CCDC93: variants seen among roughly 807,000 people sequenced by gnomAD.
The protein encoded by CCDC93 is CCC complex scaffolding subunit CCDC93.
A neutral mutation model predicts 108.2 loss-of-function variants in CCDC93; 61 were observed. The ratio of observed to expected loss-of-function variants is 0.56; its 90% CI spans 0.46 to 0.70. The LOEUF is 0.70. CCDC93 is among the 30% of genes least tolerant of loss of function. CCDC93 has a pLI of 0.00. For missense variants in CCDC93, 685 were observed against 764.2 expected (o/e 0.90, Z 1.22); for synonymous variants, 276 against 260.4 (o/e 1.06, Z -0.58).
At chr2:117,957,049 C>A (rs995113462) in intron 12 of CCDC93, among the ~76,000 whole-genome samples, 3 of 152,066 alleles carry the variant, frequency 2.0e-5, no homozygotes, top group Admixed American at 2.0e-4. Context: ...CGCCACCATG[C>A]CCAGCTAATT....
chr2:117,930,978 T>C (rs1055825141), intron 23 of CCDC93, 59 bp downstream of exon 23: 14 of 1,154,018 alleles, frequency 1.2e-5, no homozygotes, highest in Non-Finnish European at 1.8e-5. Flanking sequence ...TAGTGGCTAC[T>C]TTTGAGGTGA....
Position 118,003,829 on chromosome 2 carries a change from C to T in CCDC93, c.251+2893G>A, listed in dbSNP as rs572091302. On this transcript the variant is annotated intron_variant, in intron 3 of 23. Coordinates refer to ENST00000376300, the MANE Select transcript of CCDC93 (RefSeq NM_019044.5). ...GGACATGGAGGAAAATGCAGGCAGG[C>T]TGGGGGTAGGGAAAGAAAGTGAGAA... Among the ~76,000 whole-genome samples, 4 of 152,286 alleles carry T rather than the reference C, an allele frequency of 2.6e-5. No individual in the cohort carries two copies. In the South Asian group the frequency reaches 8.3e-4, roughly 32 times the overall value.
chr2:117,942,703 A>T (rs907705674), intron 18 of CCDC93, among the ~76,000 whole-genome samples: 5 of 152,152 alleles, frequency 3.3e-5, no homozygotes, highest in African/African-American at 1.2e-4. Context: ...ACCAGGGTGT[A>T]GTCTCAGGGC....
intron 17 of CCDC93, chr2:117,944,805 A>G (rs1378573912): frequency 1.5e-5 from 7 of 471,028 alleles, no homozygotes; most frequent in Admixed American, 9.4e-5. Flanking sequence ...CTCCTGGGAG[A>G]TTACGAGGGT....
At chr2:118,012,089 G>A (rs1391690280) in intron 1 of CCDC93, among the ~76,000 whole-genome samples, 2 of 152,180 alleles carry the variant, frequency 1.3e-5, no homozygotes, top group Admixed American at 6.5e-5. Context: ...GGCAGGCCAA[G>A]TCTAGCTATC....
chr2:117,938,332 T>G (rs1313724460), intron 20 of CCDC93, among the ~76,000 whole-genome samples: 1 of 152,182 alleles, frequency 6.6e-6, no homozygotes, highest in Non-Finnish European at 1.5e-5. Flanking sequence ...TTAAGACATA[T>G]CTGCATACTG....
intron 8 of CCDC93, 80 bp downstream of exon 8, chr2:117,977,914 G>C: frequency 3.0e-6 from 4 of 1,342,170 alleles, no homozygotes; most frequent in Non-Finnish European, 4.3e-6. Flanking sequence ...CTGCTGCCCG[G>C]CTTGTGAGTG....
chr2:117,986,233 C>T (rs1392752797), intron 6 of CCDC93, among the ~76,000 whole-genome samples, 164 bp from the exon 7 acceptor site: 2 of 145,790 alleles, frequency 1.4e-5, no homozygotes, highest in Non-Finnish European at 3.0e-5. Flanking sequence ...GGCGCGATCT[C>T]GGCTCACTGC....
At chr2:118,004,927 T>C (rs967141712) in intron 3 of CCDC93, among the ~76,000 whole-genome samples, 1 of 152,168 alleles carries the variant, frequency 6.6e-6, no homozygotes, top group African/African-American at 2.4e-5. Context: ...ACATATTATA[T>C]ATTATGTAAG....
chr2:117,940,763 T>C (rs1009095685), intron 19 of CCDC93, among the ~76,000 whole-genome samples: 12 of 152,286 alleles, frequency 7.9e-5, no homozygotes, highest in Non-Finnish European at 4.4e-5. Context: ...GAGGGGGTCA[T>C]GGTCCTGGGT....
At chr2:118,002,247 C>A (rs1333181765) in intron 3 of CCDC93, among the ~76,000 whole-genome samples, 3 of 152,146 alleles carry the variant, frequency 2.0e-5, no homozygotes, top group Non-Finnish European at 4.4e-5. Flanking sequence ...TCTTGTCCAC[C>A]TTTATCTTTC....
chr2:117,934,362 G>A (rs1678452427), intron 22 of CCDC93: 1 of 152,188 alleles, frequency 6.6e-6, no homozygotes, highest in South Asian at 2.1e-4. Flanking sequence ...CCAGGTCACT[G>A]AGAGGGGACT....
At chr2:118,008,134 G>C (rs566529182) in intron 2 of CCDC93, among the ~76,000 whole-genome samples, 6 of 152,100 alleles carry the variant, frequency 3.9e-5, no homozygotes, top group Non-Finnish European at 7.4e-5. Context: ...ATTGCATAGC[G>C]ATCTCTCTCT....
intron 11 of CCDC93, among the ~76,000 whole-genome samples, chr2:117,963,329 G>C (rs535546318): frequency 2.0e-5 from 3 of 152,272 alleles, no homozygotes; most frequent in African/African-American, 7.2e-5. Context: ...CACTCTTTCA[G>C]ATAACAGTTC....
chr2:118,012,583 G>A (rs1228574217), intron 1 of CCDC93: 1 of 152,232 alleles, frequency 6.6e-6, no homozygotes, highest in Non-Finnish European at 1.5e-5. Flanking sequence ...ACAGCAAAAG[G>A]CCAGGCAAAA....
At chr2:117,988,959 G>A (rs574863929) in intron 6 of CCDC93, among the ~76,000 whole-genome samples, 1 of 152,136 alleles carries the variant, frequency 6.6e-6, no homozygotes, top group Non-Finnish European at 1.5e-5. Flanking sequence ...AGTATGACTT[G>A]GTGGGTAAGA....
At chr2:117,938,457 C>G (rs986550106) in intron 20 of CCDC93, among the ~76,000 whole-genome samples, 4 of 151,444 alleles carry the variant, frequency 2.6e-5, no homozygotes, top group Non-Finnish European at 5.9e-5. Flanking sequence ...GTGGGTGCAG[C>G]GCACCAGCAT....
chr2:117,950,945 G>A, intron 13 of CCDC93: 1 of 985,398 alleles, frequency 1.0e-6, no homozygotes, highest in Non-Finnish European at 1.2e-6. Flanking sequence ...TATGCCCAGA[G>A]CAATGTTGGC....
At chr2:118,005,887 C>T (rs2104830442) in intron 3 of CCDC93, among the ~76,000 whole-genome samples, 1 of 152,278 alleles carries the variant, frequency 6.6e-6, no homozygotes, top group Non-Finnish European at 1.5e-5. Flanking sequence ...TTGCAACATT[C>T]CTGATGCTCA....
Sources: gnomAD v4.1 joint callset for allele counts (sites outside exome capture counted in the v4.1 genomes callset) on GRCh38, gnomAD v4.1.1 for gene constraint, MANE v1.5 for transcripts, NCBI Gene and HGNC (gene_info 2026-07-23, HGNC 2026-07-21) for gene names.